The following BLOC1S6 variants were observed in gnomAD, a reference collection of about 807,000 sequenced individuals.
BLOC1S6 encodes the protein biogenesis of lysosomal organelles complex 1 subunit 6.
BLOC1S6 carries 24 observed loss-of-function variants against 24.7 expected under a neutral mutation model. The observed-to-expected ratio is 0.97, with a 90% CI of 0.70 to 1.37. BLOC1S6 has a LOEUF of 1.37. Ranked by LOEUF, BLOC1S6 falls within the 40% of genes most tolerant of loss-of-function variation. The pLI, the probability that BLOC1S6 is intolerant of heterozygous loss-of-function variation, is 0.00. For synonymous variants in BLOC1S6, 76 were observed against 72.6 expected, an observed-to-expected ratio of 1.05 and a Z score of -0.23; for missense variants, 175 against 196.2, an observed-to-expected ratio of 0.89 and a Z score of 0.64.
intron 4 of BLOC1S6, 102 bp from the exon 5 acceptor site, chr15:45,606,293 G>A (rs1319435569): frequency 2.0e-6 from 3 of 1,469,406 alleles, no homozygotes; most frequent in African/African-American, 1.4e-5. Flanking sequence ...GTTTATTAGT[G>A]TGAATGAATT....
chr15:45,591,093 G>T (rs1893866371), intron 1 of BLOC1S6, among the ~76,000 whole-genome samples: 1 of 152,070 alleles, frequency 6.6e-6, no homozygotes, highest in Admixed American at 6.6e-5. Context: ...ATTGATCTCA[G>T]CATCAGGTCT....
chr15:45,591,508 C>G (rs1368364140), intron 1 of BLOC1S6, among the ~76,000 whole-genome samples: 3 of 152,040 alleles, frequency 2.0e-5, no homozygotes, highest in African/African-American at 7.2e-5. Flanking sequence ...TCATAGCTCG[C>G]TGCAGCCATG....
intron 1 of BLOC1S6, chr15:45,587,727 A>G (rs1167931171): frequency 1.4e-6 from 1 of 709,246 alleles, no homozygotes; most frequent in East Asian, 2.7e-5. Context: ...CCCGAGGGGA[A>G]GCTTTGTATT....
rs754178876 is a variant in BLOC1S6, at chr15:45,605,516, T to C, written c.399+2T>C. The C allele has an allele frequency of 6.3e-7, 1 of 1,595,408 alleles. No individual in the cohort carries two copies. The highest frequency in any genetic ancestry group is 2.2e-5 in the East Asian group (1 of 44,692). On this transcript the variant is annotated splice_donor_variant, in intron 4 of 4. Transcript: ENST00000220531. LOFTEE classifies it high-confidence loss of function. ...CATGAAAAAACATCAAAGTTAAAAG[T>C]GAGTTGAAAATTCTTTCACATTCTT...
chr15:45,595,876 C>T (rs551969609), intron 2 of BLOC1S6, among the ~76,000 whole-genome samples: 10 of 151,404 alleles, frequency 6.6e-5, no homozygotes, highest in Non-Finnish European at 1.2e-4. Flanking sequence ...GGCACGATCT[C>T]GGCTCACCAC....
At chr15:45,602,249 A>G in intron 2 of BLOC1S6, 1 of 564,606 alleles carries the variant, frequency 1.8e-6, no homozygotes, top group Non-Finnish European at 3.2e-6. Context: ...TGGATAGTAG[A>G]GATGTTGTAA....
intron 2 of BLOC1S6, among the ~76,000 whole-genome samples, chr15:45,602,691 T>G (rs1270004383): frequency 6.6e-6 from 1 of 152,242 alleles, no homozygotes; most frequent in African/African-American, 2.4e-5. Flanking sequence ...TACTTCATCT[T>G]CCTCACCTCT....
chr15:45,600,972 G>A (rs958170708), intron 2 of BLOC1S6, among the ~76,000 whole-genome samples: 2 of 152,104 alleles, frequency 1.3e-5, no homozygotes, highest in African/African-American at 4.8e-5. Flanking sequence ...GAGGTCAGGT[G>A]GGTCATTCAT....
intron 2 of BLOC1S6, among the ~76,000 whole-genome samples, chr15:45,602,030 G>A (rs891065112): frequency 3.9e-5 from 6 of 152,052 alleles, no homozygotes; most frequent in African/African-American, 1.2e-4. Flanking sequence ...ACAGGTGTGT[G>A]CCACCACACC....
chr15:45,587,975 C>T (rs1262178989), intron 1 of BLOC1S6: 17 of 576,604 alleles, frequency 2.9e-5, no homozygotes, highest in Non-Finnish European at 5.2e-5. Flanking sequence ...GACCGAGTTC[C>T]AGGAGGGATT....
rs374571585 is a variant in BLOC1S6 at position 45,609,353 on chromosome 15, G to A, written c.*2839G>A. 63 of 149,482 alleles carry A rather than the reference G, an allele frequency of 4.2e-4. 2 individuals carry two copies. Among genetic ancestry groups the A allele is most frequent in the African/African-American group, 1.4e-3 (56 of 38,972 alleles). The allele number at this position is 149,482 out of a possible 1,614,324, so 9.3% of individuals were successfully genotyped here. A position where few individuals can be genotyped will look rare whatever the true frequency, so the allele number is the denominator to read the frequency against. The stretch of plus-strand genomic sequence containing the variant: ...CAAAACAAACAAACAAACAAACAAC[G>A]TATCTTACTGACTAAACTGGAATGG... On this transcript the variant is annotated 3_prime_UTR_variant, in exon 5 of 5. Coordinates refer to ENST00000220531, the MANE Select transcript of BLOC1S6 (RefSeq NM_012388.4).
chr15:45,593,109 T>A (rs1486075420), intron 2 of BLOC1S6, among the ~76,000 whole-genome samples: 1 of 152,084 alleles, frequency 6.6e-6, no homozygotes, highest in African/African-American at 2.4e-5. Context: ...AAAGTGGTAC[T>A]GAGGCCAAGT....
intron 1 of BLOC1S6, among the ~76,000 whole-genome samples, chr15:45,590,173 TTCTCTC>T (rs564536818): frequency 9.3e-5 from 14 of 149,998 alleles, no homozygotes; most frequent in East Asian, 3.9e-4. Context: ...TGCTTCACTT[TTCTCTC>T]TCTCTCTCTC....
At chr15:45,597,779 G>T in intron 2 of BLOC1S6, 1 of 203,476 alleles carries the variant, frequency 4.9e-6, no homozygotes. Context: ...TGAATCTTTG[G>T]GAATTTCCAC....
intron 2 of BLOC1S6, among the ~76,000 whole-genome samples, chr15:45,597,385 A>C (rs1894117676): frequency 1.3e-5 from 2 of 152,148 alleles, no homozygotes; most frequent in Admixed American, 1.3e-4. Flanking sequence ...AGGCTGAGGC[A>C]GGGGATCCCT....
In BLOC1S6 at chr15:45,606,815, AATTAG is replaced by A; in HGVS notation, c.*302_*306del. 3.1e-6 allele frequency: 1 copy of A among 320,084 alleles called. No individual in the cohort carries two copies. The allele number at this position is 320,084 out of a possible 1,614,324, so 19.8% of individuals were successfully genotyped here. A position where few individuals can be genotyped will look rare whatever the true frequency, so the allele number is the denominator to read the frequency against. Reference sequence around the variant, plus strand: ...TGAGTCAAAACTCTAAGTGGTTAAAAATTAGTATGAATTTTTTAGCTTCTTAATGA... The same window carrying A: ...TGAGTCAAAACTCTAAGTGGTTAAAATATGAATTTTTTAGCTTCTTAATGA... On this transcript the variant is annotated 3_prime_UTR_variant, in exon 5 of 5. Transcript: ENST00000220531.
intron 1 of BLOC1S6, among the ~76,000 whole-genome samples, chr15:45,589,909 G>T (rs1893821770): frequency 1.3e-5 from 2 of 152,176 alleles, no homozygotes; most frequent in Admixed American, 6.5e-5. Context: ...GAACATTGGG[G>T]TGGGAGGAGG....
At chr15:45,602,603 G>A (rs577863967) in intron 2 of BLOC1S6, among the ~76,000 whole-genome samples, 3 of 152,276 alleles carry the variant, frequency 2.0e-5, no homozygotes, top group Admixed American at 6.5e-5. Context: ...GCTGTTGGCC[G>A]GGGAAAGCTA....
intron 2 of BLOC1S6, among the ~76,000 whole-genome samples, chr15:45,596,107 G>C (rs1219840489): frequency 6.6e-6 from 1 of 150,858 alleles, no homozygotes; most frequent in Non-Finnish European, 1.5e-5. Context: ...GGCCTATTCT[G>C]AGTTAATTTT....
Sources: allele counts gnomAD v4.1 joint callset (sites outside exome capture counted in the v4.1 genomes callset), GRCh38; gene constraint gnomAD v4.1.1; transcripts MANE v1.5; gene names NCBI Gene and HGNC (gene_info 2026-07-23, HGNC 2026-07-21).